ASIC2: variants seen among roughly 807,000 people sequenced by gnomAD.
The protein encoded by ASIC2 is acid-sensing ion channel 2.
A neutral mutation model predicts 57.3 loss-of-function variants in ASIC2; 25 were observed. The observed-to-expected ratio is 0.44, with a 90% CI of 0.32 to 0.61. The LOEUF is 0.61. Ranked by LOEUF, ASIC2 falls within the 20% of genes least tolerant of loss-of-function variation. The pLI is 0.06. For synonymous variants in ASIC2, 319 were observed against 307.5 expected, an observed-to-expected ratio of 1.04 and a Z score of -0.39; for missense variants, 641 against 738.1, an observed-to-expected ratio of 0.87 and a Z score of 1.52.
At chr17:33,316,968 G>A (rs1906681772) in intron 1 of ASIC2, among the ~76,000 whole-genome samples, 1 of 152,148 alleles carries the variant, frequency 6.6e-6, no homozygotes, top group African/African-American at 2.4e-5. Flanking sequence ...CTTTAATCAC[G>A]CCCTGCACAT....
intron 1 of ASIC2, among the ~76,000 whole-genome samples, chr17:33,464,488 C>CT (rs1340344113): frequency 2.8e-5 from 1 of 35,878 alleles, no homozygotes; most frequent in Non-Finnish European, 5.9e-5. Flanking sequence ...TTCTCTCTTT[C>CT]TTTCTTTCTT....
At chr17:33,148,105 C>T (rs192554296) in intron 1 of ASIC2, among the ~76,000 whole-genome samples, 5 of 152,318 alleles carry the variant, frequency 3.3e-5, no homozygotes, top group East Asian at 3.9e-4. Flanking sequence ...ATAATAACAA[C>T]GCCTTGTCAG....
At chr17:33,239,445 T>C (rs1488286141) in intron 1 of ASIC2, among the ~76,000 whole-genome samples, 1 of 152,234 alleles carries the variant, frequency 6.6e-6, no homozygotes, top group Non-Finnish European at 1.5e-5. Context: ...TTCACTTATA[T>C]ATTTGTTTAC....
At chr17:33,688,604 C>A (rs567265608) in intron 1 of ASIC2, among the ~76,000 whole-genome samples, 1 of 152,112 alleles carries the variant, frequency 6.6e-6, no homozygotes, top group Non-Finnish European at 1.5e-5. Context: ...AAATTACTTA[C>A]CTGATAATAA....
intron 1 of ASIC2, among the ~76,000 whole-genome samples, chr17:33,790,164 G>A (rs932707637): frequency 2.6e-5 from 4 of 152,108 alleles, no homozygotes; most frequent in African/African-American, 9.7e-5. Context: ...TTTTCAAATG[G>A]CATTTTGCAA....
chr17:34,107,825 G>T (rs1220092179), intron 1 of ASIC2, among the ~76,000 whole-genome samples: 1 of 151,896 alleles, frequency 6.6e-6, no homozygotes, highest in Non-Finnish European at 1.5e-5. Context: ...TACATTTTTC[G>T]GCTTTAATTT....
chr17:33,829,523 G>C (rs1473580220), intron 1 of ASIC2, among the ~76,000 whole-genome samples: 1 of 152,044 alleles, frequency 6.6e-6, no homozygotes, highest in Admixed American at 6.5e-5. Flanking sequence ...TTTTTGGGAA[G>C]ATAGGAGCAG....
At chr17:33,970,604 C>T (rs534117501) in intron 1 of ASIC2, among the ~76,000 whole-genome samples, 152 of 152,290 alleles carry the variant, frequency 1.0e-3, no homozygotes, top group African/African-American at 3.5e-3. Flanking sequence ...GTCCCAGAGG[C>T]CAAGGAGGAG....
intron 1 of ASIC2, among the ~76,000 whole-genome samples, chr17:33,171,164 C>T (rs118189473): frequency 0.027 from 4,145 of 152,292 alleles, 83 homozygotes; most frequent in Middle Eastern, 0.058. Context: ...GACCTGAGTT[C>T]TCAATCTTAC....
upstream of ASIC2, among the ~76,000 whole-genome samples, chr17:33,296,901 C>T (rs570697817): frequency 1.3e-5 from 2 of 152,202 alleles, no homozygotes; most frequent in Non-Finnish European, 2.9e-5. Flanking sequence ...CTCCTTCCTG[C>T]CCACTGTAGG....
chr17:33,589,133 C>A (rs1003415012), intron 1 of ASIC2, among the ~76,000 whole-genome samples: 3 of 152,158 alleles, frequency 2.0e-5, no homozygotes, highest in Admixed American at 6.5e-5. Flanking sequence ...GTGTGCTAGG[C>A]ACTTGGCCAG....
intron 1 of ASIC2, among the ~76,000 whole-genome samples, chr17:33,645,989 C>G (rs922713051): frequency 1.3e-5 from 2 of 152,140 alleles, no homozygotes; most frequent in Admixed American, 6.5e-5. Context: ...TAAGCAAACT[C>G]ATCAGTGGTG....
Position 33,857,879 on chromosome 17 carries a change from G to A in ASIC2, c.555+298099C>T, listed in dbSNP as rs141185986. On this transcript the variant is annotated intron_variant, in intron 1 of 9. Transcript: ENST00000359872. ...TCAGGGGAAAAGCTACAAATATCTG[G>A]GATTCTGATTCCTGAACAGGACATG... 8.2e-3 allele frequency among the ~76,000 whole-genome samples: 1,250 copies of A among 152,270 alleles called. 9 individuals carry two copies. The highest frequency in any genetic ancestry group is 0.017 in the Middle Eastern group (5 of 294).
Position 33,723,977 on chromosome 17 carries a change from C to T in ASIC2, c.555+432001G>A, listed in dbSNP as rs137869485. Among the ~76,000 whole-genome samples the T allele has an allele frequency of 3.6e-4, 55 of 152,240 alleles. 1 individual carries two copies. Among genetic ancestry groups the T allele is most frequent in the African/African-American group, 1.3e-3 (54 of 41,530 alleles). On this transcript the variant is annotated intron_variant, in intron 1 of 9. Coordinates refer to the ASIC2 transcript ENST00000359872. Reference sequence around the variant, plus strand: ...CAGTGATGTGGTTTGGCTGTGTTCCCACCCAAATTGCATCTTGAATTGTAG... The same window carrying T: ...CAGTGATGTGGTTTGGCTGTGTTCCTACCCAAATTGCATCTTGAATTGTAG...
chr17:33,013,957 G>A lies in ASIC2; in HGVS notation c.*8C>T, dbSNP rs747331242. On this transcript the variant is annotated 3_prime_UTR_variant, in exon 10 of 10. Transcript: ENST00000225823. ...GTTTGGAGGGAGTGCTGGGTGACTC[G>A]AGGGGTGTCAGCAGGCAATCTCCTC... is the stretch of plus-strand genomic sequence containing the variant. The A allele has an allele frequency of 4.4e-6, 7 of 1,573,056 alleles. No individual in the cohort carries two copies. Among genetic ancestry groups the A allele is most frequent in the South Asian group, 1.2e-5 (1 of 85,972 alleles).
At chr17:33,080,017 G>A (rs1488256696) in intron 3 of ASIC2, among the ~76,000 whole-genome samples, 6 of 152,104 alleles carry the variant, frequency 3.9e-5, no homozygotes, top group East Asian at 3.9e-4. Context: ...GACTCTAAGC[G>A]AGGAGTTCAG....
At chr17:33,202,995 A>C (rs1266953416) in intron 1 of ASIC2, among the ~76,000 whole-genome samples, 2 of 152,204 alleles carry the variant, frequency 1.3e-5, no homozygotes, top group Non-Finnish European at 2.9e-5. Context: ...CAGAGAGAAA[A>C]AAAGCAACAG....
intron 1 of ASIC2, among the ~76,000 whole-genome samples, chr17:33,918,685 G>C (rs1289453998): frequency 1.3e-5 from 2 of 152,146 alleles, no homozygotes; most frequent in Non-Finnish European, 2.9e-5. Context: ...AGGAAAAGAG[G>C]GTAGACCTTC....
intron 1 of ASIC2, among the ~76,000 whole-genome samples, chr17:33,524,877 C>A (rs1914842506): frequency 6.6e-6 from 1 of 152,090 alleles, no homozygotes. Context: ...TGGGCTTCCT[C>A]CCAGATGTAT....
Sources: allele counts gnomAD v4.1 joint callset (sites outside exome capture counted in the v4.1 genomes callset), GRCh38; gene constraint gnomAD v4.1.1; transcripts MANE v1.5; gene names NCBI Gene and HGNC (gene_info 2026-07-23, HGNC 2026-07-21).